Variants in FGF12 observed in about 807,000 individuals in gnomAD.
FGF12 encodes fibroblast growth factor 12.
Under a neutral mutation model 23.6 loss-of-function variants are expected in FGF12, and 14 were observed. The ratio of observed to expected loss-of-function variants is 0.59; its 90% confidence interval spans 0.39 to 0.93. FGF12 has a LOEUF of 0.93. FGF12 is among the 40% of genes least tolerant of loss of function. The pLI, the probability that FGF12 is intolerant of heterozygous loss-of-function variation, is 0.00. For missense variants in FGF12, 175 were observed against 217.8 expected (o/e 0.80, Z 1.24); for synonymous variants, 62 against 77.3 (o/e 0.80, Z 1.04).
intron 2 of FGF12, among the ~76,000 whole-genome samples, chr3:192,596,104 T>TAATA (rs1713833691): frequency 7.0e-6 from 1 of 142,926 alleles, no homozygotes; most frequent in South Asian, 2.2e-4. Context: ...AAATATAATA[T>TAATA]AATATAATAT....
chr3:192,396,976 A>G (rs1050349460), intron 2 of FGF12, among the ~76,000 whole-genome samples: 1 of 152,252 alleles, frequency 6.6e-6, no homozygotes, highest in Non-Finnish European at 1.5e-5. Context: ...CAGGCTCCCA[A>G]CCAAGATGGT....
chr3:192,484,918 G>T (rs1182183121), intron 2 of FGF12, among the ~76,000 whole-genome samples: 1 of 152,176 alleles, frequency 6.6e-6, no homozygotes, highest in East Asian at 1.9e-4. Context: ...TTTAATTTAA[G>T]TCTACATGTT....
intron 2 of FGF12, among the ~76,000 whole-genome samples, chr3:192,576,777 T>C (rs955236302): frequency 1.3e-5 from 2 of 152,144 alleles, no homozygotes; most frequent in African/African-American, 2.4e-5. Context: ...TGCGGCACTA[T>C]TCACAATAGC....
chr3:192,360,546 A>T lies in FGF12; in HGVS notation c.14-8T>A. 1 of 1,599,086 alleles carries T rather than the reference A, an allele frequency of 6.3e-7. No homozygotes were observed. The highest frequency in any genetic ancestry group is 2.2e-5 in the East Asian group (1 of 44,778). On this transcript the variant is annotated splice_polypyrimidine_tract_variant and splice_region_variant and intron_variant, in intron 2 of 5. Coordinates refer to ENST00000445105, the MANE Select transcript of FGF12 (RefSeq NM_004113.6). The surrounding 1 kb of genome is among the most constrained non-coding windows in gnomAD (Gnocchi z 4.3). ...TCCCTTTGAGCTGGGGTTCTGCAAAACAAAATAATTATTCAAATTTTTATT... is the reference window on the plus strand; with the variant it reads ...TCCCTTTGAGCTGGGGTTCTGCAAATCAAAATAATTATTCAAATTTTTATT...
chr3:192,467,133 G>A (rs1429725706), intron 2 of FGF12, among the ~76,000 whole-genome samples: 1 of 152,122 alleles, frequency 6.6e-6, no homozygotes, highest in Non-Finnish European at 1.5e-5. Flanking sequence ...TGTGCAAAAG[G>A]TTTTAGAATT....
At chr3:192,677,483 G>T (rs1717369169) in intron 2 of FGF12, among the ~76,000 whole-genome samples, 1 of 152,144 alleles carries the variant, frequency 6.6e-6, no homozygotes. Flanking sequence ...ACTTTGAACA[G>T]AATTTCCAGT....
At chr3:192,289,379 G>A (rs1474136083) in intron 4 of FGF12, among the ~76,000 whole-genome samples, 2 of 152,102 alleles carry the variant, frequency 1.3e-5, no homozygotes, top group African/African-American at 4.8e-5. Context: ...AATAGGTAAC[G>A]TGACTGGTGA....
chr3:192,211,075 T>C (rs751503251), intron 4 of FGF12, among the ~76,000 whole-genome samples: 6 of 152,058 alleles, frequency 3.9e-5, no homozygotes, highest in Non-Finnish European at 5.9e-5. Context: ...GCTCCAAGGG[T>C]GCAATGGTGG....
Position 192,141,582 on chromosome 3 carries a change from G to C in FGF12, c.*2427C>G, listed in dbSNP as rs1227220291. 6.6e-6 allele frequency: 1 copy of C among 151,978 alleles called. No homozygotes were observed. The highest frequency in any genetic ancestry group is 2.4e-5 in the African/African-American group (1 of 41,424). 9.4% of individuals were successfully genotyped at this position (151,978 alleles called of 1,614,324 possible). ...AAACAATATACAAATTGTGTGGTTA[G>C]AATTTTTTCTTAACTGCTATCAGGA... On this transcript the variant is annotated 3_prime_UTR_variant, in exon 6 of 6. Coordinates refer to ENST00000445105, the MANE Select transcript of FGF12 (RefSeq NM_004113.6).
At chr3:192,686,118 T>G (rs562871959) in intron 2 of FGF12, among the ~76,000 whole-genome samples, 19 of 152,296 alleles carry the variant, frequency 1.2e-4, no homozygotes, top group African/African-American at 4.3e-4. Flanking sequence ...AGGATAGATG[T>G]GAGCATGTCG....
chr3:192,714,545 A>G (rs1345418374), intron 2 of FGF12, among the ~76,000 whole-genome samples: 12 of 121,134 alleles, frequency 9.9e-5, no homozygotes, highest in Non-Finnish European at 1.4e-4. Flanking sequence ...TTGAGACGGA[A>G]TCTCGCTCTG....
intron 2 of FGF12, among the ~76,000 whole-genome samples, chr3:192,653,507 A>T (rs1353560315): frequency 6.6e-6 from 1 of 152,186 alleles, no homozygotes; most frequent in Non-Finnish European, 1.5e-5. Flanking sequence ...TAAACAATGC[A>T]GGCCAAATAA....
intron 2 of FGF12, among the ~76,000 whole-genome samples, chr3:192,407,183 G>A (rs1414268066): frequency 6.6e-6 from 1 of 152,058 alleles, no homozygotes; most frequent in African/African-American, 2.4e-5. Context: ...AATCATCTGC[G>A]GTCGGGGCTG....
chr3:192,620,152 C>T (rs1189503635), intron 2 of FGF12, among the ~76,000 whole-genome samples: 1 of 152,054 alleles, frequency 6.6e-6, no homozygotes, highest in African/African-American at 2.4e-5. Flanking sequence ...TCTCATCCTC[C>T]TCATCGAGGG....
At chr3:192,264,828 G>A (rs1459836247) in intron 4 of FGF12, among the ~76,000 whole-genome samples, 1 of 152,072 alleles carries the variant, frequency 6.6e-6, no homozygotes, top group Non-Finnish European at 1.5e-5. Context: ...TACAGCAAAT[G>A]TCTAGTGAAC....
chr3:192,339,522 T>C (rs1717589916), intron 3 of FGF12, among the ~76,000 whole-genome samples: 1 of 152,186 alleles, frequency 6.6e-6, no homozygotes, highest in Non-Finnish European at 1.5e-5. Flanking sequence ...TGTAACCGGC[T>C]TCACAGAGCT....
intron 2 of FGF12, among the ~76,000 whole-genome samples, chr3:192,385,077 C>T (rs1024178218): frequency 1.3e-5 from 2 of 152,088 alleles, no homozygotes; most frequent in African/African-American, 4.8e-5. Context: ...TACATAGACT[C>T]GGTTATGAAA....
At chr3:192,341,221 T>A (rs189880099) in intron 3 of FGF12, among the ~76,000 whole-genome samples, 1 of 152,192 alleles carries the variant, frequency 6.6e-6, no homozygotes, top group Admixed American at 6.5e-5. Flanking sequence ...ATACTCAACA[T>A]CACTAATCAT....
chr3:192,452,386 A>G (rs73889337), intron 2 of FGF12, among the ~76,000 whole-genome samples: 2,481 of 151,976 alleles, frequency 0.016, 63 homozygotes, highest in African/African-American at 0.056. Flanking sequence ...TCCTTTTGAT[A>G]CATTAATGGA....
Sources: allele counts gnomAD v4.1 joint callset (sites outside exome capture counted in the v4.1 genomes callset), GRCh38; gene constraint gnomAD v4.1.1; non-coding constraint Gnocchi (gnomAD v3.1); transcripts MANE v1.5; gene names NCBI Gene and HGNC (gene_info 2026-07-23, HGNC 2026-07-21).